The following FIG4 variants were observed in gnomAD, a reference collection of about 807,000 sequenced individuals.
The protein encoded by FIG4 is FIG4 phosphoinositide 5-phosphatase, also known as polyphosphoinositide phosphatase.
Under a neutral mutation model 118.6 loss-of-function variants are expected in FIG4, and 112 were observed. The ratio of observed to expected loss-of-function variants is 0.94; its 90% CI spans 0.81 to 1.11. The LOEUF (loss-of-function observed/expected upper bound fraction) is 1.11. FIG4 is among the 50% of genes least tolerant of loss of function. The pLI is 0.00. For missense variants in FIG4, 969 were observed against 1,111.7 expected (o/e 0.87, Z 1.83); for synonymous variants, 369 against 381.2 (o/e 0.97, Z 0.37).
At chr6:109,785,121 T>G in intron 17 of FIG4, 93 bp downstream of exon 17, 1 of 784,250 alleles carries the variant, frequency 1.3e-6, no homozygotes, top group Non-Finnish European at 2.3e-6. Flanking sequence ...GCACATAGTA[T>G]TTTATTAGAA....
At position 109,789,638 on chromosome 6, in the gene FIG4, C is replaced by T. The variant is rs146689226; in HGVS notation, c.2141C>T (p.Thr714Ile). Reference protein sequence around the residue: ...KTVGIDPSPFTVRKPDETGKS... With the variant: ...KTVGIDPSPFIVRKPDETGKS... ...GTTGGAATTGATCCAAGTCCATTTA[C>T]TGTGCGTAAACCAGATGAAACTGGA... The change falls in exon 19 of 23, where the codon ACT becomes ATT. Residue 714 changes from threonine (T) to isoleucine (I), a missense_variant. Thr to Ile is a moderately conservative substitution (Grantham distance 89). Transcript: ENST00000230124. The T allele has an allele frequency of 4.5e-5, 72 of 1,613,466 alleles. No individual in the cohort carries two copies. The highest frequency in any genetic ancestry group is 5.7e-5 in the Non-Finnish European group (67 of 1,179,630).
intron 22 of FIG4, among the ~76,000 whole-genome samples, chr6:109,797,737 A>G (rs1242273755): frequency 6.6e-6 from 1 of 152,004 alleles, no homozygotes; most frequent in African/African-American, 2.4e-5. Context: ...GGCCACTTAA[A>G]ATACAAAAAT....
intron 1 of FIG4, among the ~76,000 whole-genome samples, chr6:109,709,258 G>A (rs191624978): frequency 3.3e-5 from 5 of 152,310 alleles, no homozygotes; most frequent in Non-Finnish European, 7.4e-5. Context: ...GTTTGTCAAA[G>A]ACTAGATAGT....
intron 3 of FIG4, among the ~76,000 whole-genome samples, chr6:109,720,488 C>A (rs1775573564): frequency 6.6e-6 from 1 of 152,158 alleles, no homozygotes; most frequent in African/African-American, 2.4e-5. Flanking sequence ...TCATGAGAAT[C>A]TAGAACAATA....
intron 22 of FIG4, among the ~76,000 whole-genome samples, chr6:109,820,410 G>A (rs910297367): frequency 1.3e-5 from 2 of 152,116 alleles, no homozygotes; most frequent in South Asian, 2.1e-4. Context: ...CACCTCACCC[G>A]CACCCCCCAA....
Position 109,771,461 on chromosome 6 carries a change from C to CTTTT in FIG4, c.1750+4588_1750+4591dup, listed in dbSNP as rs71018367. Among the ~76,000 whole-genome samples the CTTTT allele has an allele frequency of 6.7e-3, 578 of 86,022 alleles. 5 individuals are homozygous for CTTTT. The highest frequency in any genetic ancestry group is 9.6e-3 in the Middle Eastern group (1 of 104). The allele number at this position is 86,022 out of a possible 152,430, so 56.4% of individuals were successfully genotyped here. A position where few individuals can be genotyped will look rare whatever the true frequency, so the allele number is the denominator to read the frequency against. On this transcript the variant is annotated intron_variant, in intron 15 of 22. Transcript: ENST00000230124. ...TATTGAAAGGGAACTTCCTCTAATT[C>CTTTT]TTTTTTTTTTTTTTTTTTTTTTTTT...
chr6:109,718,048 T>C (rs985017853), intron 3 of FIG4, among the ~76,000 whole-genome samples: 2 of 152,148 alleles, frequency 1.3e-5, no homozygotes, highest in Non-Finnish European at 1.5e-5. Context: ...ACAGGAAGCA[T>C]AGCAGCTTCT....
At chr6:109,743,324 A>T (rs756651682) in intron 9 of FIG4, 52 bp downstream of exon 9, 4 of 1,542,598 alleles carry the variant, frequency 2.6e-6, no homozygotes, top group Non-Finnish European at 3.6e-6. Context: ...ATTTAGAGAT[A>T]ATGAACTGTT....
intron 3 of FIG4, among the ~76,000 whole-genome samples, chr6:109,718,007 G>T (rs1329537194): frequency 6.6e-6 from 1 of 152,150 alleles, no homozygotes; most frequent in East Asian, 1.9e-4. Context: ...AAAGAAAAGA[G>T]GCTTAATTGG....
intron 15 of FIG4, among the ~76,000 whole-genome samples, chr6:109,774,697 G>T (rs1459217457): frequency 1.3e-5 from 2 of 152,074 alleles, no homozygotes; most frequent in African/African-American, 4.8e-5. Flanking sequence ...AGCGAAGTTG[G>T]ATTTTTATAT....
chr6:109,809,343 T>G (rs777326540), intron 22 of FIG4, among the ~76,000 whole-genome samples: 1 of 152,254 alleles, frequency 6.6e-6, no homozygotes, highest in Non-Finnish European at 1.5e-5. Context: ...CTAAGTTTTT[T>G]GTTTTAAAAA....
intron 1 of FIG4, among the ~76,000 whole-genome samples, chr6:109,703,757 CTT>C (rs1284655377): frequency 2.0e-5 from 3 of 152,288 alleles, no homozygotes; most frequent in African/African-American, 7.2e-5. Flanking sequence ...ATGCTCTGTC[CTT>C]ATCGACTTGA....
intron 22 of FIG4, among the ~76,000 whole-genome samples, chr6:109,816,577 GAC>G (rs925228423): frequency 3.3e-5 from 5 of 152,206 alleles, no homozygotes; most frequent in African/African-American, 4.8e-5. Flanking sequence ...GTGTTAATAA[GAC>G]AGGAAATTGT....
At chr6:109,801,669 G>A (rs1174440907) in intron 22 of FIG4, among the ~76,000 whole-genome samples, 3 of 152,198 alleles carry the variant, frequency 2.0e-5, no homozygotes, top group Non-Finnish European at 4.4e-5. Flanking sequence ...CTCGGTGTGG[G>A]CTTCTACCAG....
At chr6:109,795,292 C>A (rs971041132) in intron 21 of FIG4, among the ~76,000 whole-genome samples, 1 of 151,626 alleles carries the variant, frequency 6.6e-6, no homozygotes, top group Non-Finnish European at 1.5e-5. Context: ...TGATTGTACA[C>A]CTGATTTAAG....
Position 109,825,110 on chromosome 6 carries a change from C to A in FIG4, c.2569C>A (p.Gln857Lys). ...TAGAACACCCATCTCGGCTTTCTCG[C>A]AAGATAACATCTATGAAGTTCAGCC... ...IKLTPISAFS[Q>K]DNIYEVQPPR... The change falls in exon 23 of 23, where the codon CAA (glutamine) becomes AAA (lysine). Residue 857 changes from glutamine (Q) to lysine (K), a missense_variant. Coordinates refer to ENST00000230124, the MANE Select transcript of FIG4 (RefSeq NM_014845.6). 1.2e-6 allele frequency: 2 copies of A among 1,613,962 alleles called. No individual in the cohort carries two copies. The highest frequency in any genetic ancestry group is 4.5e-5 in the East Asian group (2 of 44,876).
At position 109,765,098 on chromosome 6, in the gene FIG4, A is replaced by G. The variant is rs1341120055; in HGVS notation, c.1520A>G (p.Tyr507Cys). The G allele has an allele frequency of 1.9e-6, 3 of 1,613,934 alleles. No homozygotes were observed. The highest frequency in any genetic ancestry group is 2.5e-6 in the Non-Finnish European group (3 of 1,179,800). The stretch of plus-strand genomic sequence containing the variant: ...ATGGTGGGAAAATGTGCTCTGGCCT[A>G]TCAGCTGTATTCACTGGGACTGATT... ...QFMVGKCALAYQLYSLGLIDK... is the reference protein window; with the variant it reads ...QFMVGKCALACQLYSLGLIDK... The change falls in exon 14 of 23, where the codon TAT becomes TGT. Residue 507 changes from tyrosine (Y) to cysteine (C), a missense_variant. Tyr to Cys is a radical substitution (Grantham distance 194, BLOSUM62 -2). Coordinates refer to ENST00000230124, the MANE Select transcript of FIG4 (RefSeq NM_014845.6).
chr6:109,765,562 CTGT>C (rs1281156203), intron 14 of FIG4, among the ~76,000 whole-genome samples: 3 of 151,942 alleles, frequency 2.0e-5, no homozygotes, highest in Admixed American at 2.0e-4. Flanking sequence ...GGTTTTTCTT[CTGT>C]TGTTGTTGTT....
chr6:109,738,114 A>G (rs993126381), intron 6 of FIG4, among the ~76,000 whole-genome samples: 1 of 152,172 alleles, frequency 6.6e-6, no homozygotes, highest in Non-Finnish European at 1.5e-5. Flanking sequence ...TTACAGAATC[A>G]ACACAATGTT....
Sources: allele counts gnomAD v4.1 joint callset (sites outside exome capture counted in the v4.1 genomes callset), GRCh38; gene constraint gnomAD v4.1.1; transcripts MANE v1.5; gene names NCBI Gene and HGNC (gene_info 2026-07-23, HGNC 2026-07-21).